KAZN: variants seen among roughly 807,000 people sequenced by gnomAD.
The protein encoded by KAZN is kazrin.
Under a neutral mutation model 87.4 loss-of-function variants are expected in KAZN, and 40 were observed. The ratio of observed to expected loss-of-function variants is 0.46; its 90% CI spans 0.36 to 0.60. The LOEUF (loss-of-function observed/expected upper bound fraction) is 0.60, where lower values mean the gene tolerates loss of function less well. Among genes scored for constraint, KAZN ranks in the 20% least tolerant of loss-of-function variants. The pLI is 0.00. For synonymous variants in KAZN, 466 were observed against 458.3 expected (o/e 1.02, Z -0.22); for missense variants, 898 against 1,073.9 (o/e 0.84, Z 2.29).
intron 1 of KAZN, among the ~76,000 whole-genome samples, chr1:14,843,743 T>C (rs1462956459): frequency 6.6e-6 from 1 of 152,210 alleles, no homozygotes; most frequent in Non-Finnish European, 1.5e-5. Context: ...CTGTTTATTC[T>C]CCACATTCCC....
intron 1 of KAZN, among the ~76,000 whole-genome samples, chr1:13,967,666 TAGG>T (rs1275067074): frequency 2.6e-5 from 4 of 152,062 alleles, no homozygotes; most frequent in Non-Finnish European, 5.9e-5. Flanking sequence ...TGTGACAGAG[TAGG>T]AGAAGTGCCT....
intron 1 of KAZN, among the ~76,000 whole-genome samples, chr1:14,921,631 C>G (rs1165159751): frequency 6.6e-6 from 1 of 152,218 alleles, no homozygotes; most frequent in African/African-American, 2.4e-5. Context: ...TAATGTCTCT[C>G]TGATACCAAA....
At chr1:14,670,148 C>A (rs1219075827) in intron 1 of KAZN, among the ~76,000 whole-genome samples, 2 of 143,658 alleles carry the variant, frequency 1.4e-5, no homozygotes, top group South Asian at 2.5e-4. Context: ...CTTTTTCCTT[C>A]CCTTCTTCCA....
At position 14,074,219 on chromosome 1, in the gene KAZN, G is replaced by A. The variant is rs564959261; in HGVS notation, c.92-106216G>A. ...CTGGAAAGCCAGGTTTGAACACAGC[G>A]TCTGAACTCCACAATAGTCTGTGCT... On this transcript the variant is annotated intron_variant, in intron 1 of 16. Transcript: ENST00000636203. 5.3e-5 allele frequency among the ~76,000 whole-genome samples: 8 copies of A among 152,222 alleles called. No individual in the cohort carries two copies. The South Asian group carries it at 1.0e-3, about 20-fold the overall frequency.
At chr1:14,541,012 G>A (rs1571893650) in intron 2 of KAZN, among the ~76,000 whole-genome samples, 1 of 152,160 alleles carries the variant, frequency 6.6e-6, no homozygotes, top group South Asian at 2.1e-4. Flanking sequence ...TTCTTTACAA[G>A]AACTTGCACA....
At chr1:15,067,261 CTT>C in intron 8 of KAZN, 1 of 985,592 alleles carries the variant, frequency 1.0e-6, no homozygotes, top group South Asian at 4.7e-5. Context: ...ATCAGCCACA[CTT>C]AGAATCTCCC....
chr1:14,435,704 T>G (rs1477614655), intron 2 of KAZN, among the ~76,000 whole-genome samples: 1 of 152,210 alleles, frequency 6.6e-6, no homozygotes, highest in African/African-American at 2.4e-5. Flanking sequence ...CGGCAAGATC[T>G]TTAAACCGCA....
intron 1 of KAZN, among the ~76,000 whole-genome samples, chr1:14,859,210 CAAA>C (rs1195192834): frequency 6.2e-5 from 6 of 97,452 alleles, no homozygotes; most frequent in Non-Finnish European, 4.5e-5. Context: ...GACCCCGTCT[CAAA>C]AAAAAAAAAA....
At chr1:14,205,803 T>C (rs534558158) in intron 2 of KAZN, among the ~76,000 whole-genome samples, 2 of 138,922 alleles carry the variant, frequency 1.4e-5, no homozygotes, top group East Asian at 2.3e-4. Flanking sequence ...GGAGAATCGA[T>C]TGAACCCAAG....
At chr1:14,977,881 GTCTT>G (rs1446041398) in intron 2 of KAZN, among the ~76,000 whole-genome samples, 1 of 137,374 alleles carries the variant, frequency 7.3e-6, no homozygotes, top group African/African-American at 2.8e-5. Flanking sequence ...TGGGGTGCAC[GTCTT>G]TTTTTTTTTT....
Position 14,826,555 on chromosome 1 carries a change from G to A in KAZN, c.227-134129G>A, listed in dbSNP as rs149486093. Among the ~76,000 whole-genome samples the A allele has an allele frequency of 2.9e-4, 44 of 152,232 alleles. 1 individual carries two copies. In the East Asian group the frequency reaches 7.0e-3, roughly 24 times the overall value. On this transcript the variant is annotated intron_variant, in intron 1 of 14. Transcript: ENST00000376030. Reference sequence around the variant, plus strand: ...TGATGGCCCGTTCCCCATGGGTGTCGCCTCCCTCCTCTGTGCCTTCTCAGC... The same window carrying A: ...TGATGGCCCGTTCCCCATGGGTGTCACCTCCCTCCTCTGTGCCTTCTCAGC...
intron 8 of KAZN, among the ~76,000 whole-genome samples, chr1:15,085,112 G>T (rs535330320): frequency 2.8e-4 from 42 of 151,988 alleles, no homozygotes; most frequent in Non-Finnish European, 5.6e-4. Flanking sequence ...AGACTAAATA[G>T]GTGAAGAGAT....
chr1:14,211,828 T>TC (rs947948801), intron 2 of KAZN, among the ~76,000 whole-genome samples: 1 of 152,194 alleles, frequency 6.6e-6, no homozygotes. Flanking sequence ...CCAAGCTTTT[T>TC]TTTTTTCCTT....
At position 14,023,764 on chromosome 1, in the gene KAZN, G is replaced by T. The variant is rs189880726; in HGVS notation, c.91+130008G>T. On this transcript the variant is annotated intron_variant, in intron 1 of 16. Coordinates refer to the KAZN transcript ENST00000636203. ...GAACCAAACCCTCAGATGCCAGGAG[G>T]GGAAGTGGGTGAGTGAGGATGAGTT... Among the ~76,000 whole-genome samples the T allele has an allele frequency of 7.2e-5, 11 of 152,280 alleles. No homozygotes were observed. The East Asian group carries it at 2.1e-3, about 29-fold the overall frequency.
In KAZN at chr1:14,840,628, C is replaced by T. The variant is rs1156948373; in HGVS notation, c.227-120056C>T. On this transcript the variant is annotated intron_variant, in intron 1 of 14. Coordinates refer to ENST00000376030, the MANE Select transcript of KAZN (RefSeq NM_201628.3). Reference sequence around the variant, plus strand: ...AGGGCTGCCATTTGGCGATAAGCTGCCCTCAGAAGTCCAACACTCATCCAG... The same window carrying T: ...AGGGCTGCCATTTGGCGATAAGCTGTCCTCAGAAGTCCAACACTCATCCAG... 2.0e-5 allele frequency among the ~76,000 whole-genome samples: 3 copies of T among 152,328 alleles called. No homozygotes were observed. The South Asian group carries it at 6.2e-4, about 32-fold the overall frequency.
chr1:14,936,081 A>C (rs753032099), intron 1 of KAZN, among the ~76,000 whole-genome samples: 11 of 152,216 alleles, frequency 7.2e-5, no homozygotes, highest in Non-Finnish European at 1.3e-4. Flanking sequence ...TTTCCATGTC[A>C]TGTCTCTCCA....
chr1:14,003,436 A>G (rs992482348), intron 1 of KAZN, among the ~76,000 whole-genome samples: 1 of 152,120 alleles, frequency 6.6e-6, no homozygotes, highest in African/African-American at 2.4e-5. Context: ...ACACTTTTAT[A>G]TAGAAAGAAG....
At chr1:14,072,798 GT>G (rs145596744) in intron 1 of KAZN, among the ~76,000 whole-genome samples, 113 of 152,270 alleles carry the variant, frequency 7.4e-4, no homozygotes, top group African/African-American at 2.5e-3. Context: ...CCTGCGATGT[GT>G]AAGGGCGAAA....
chr1:14,076,161 G>A (rs531006780), intron 1 of KAZN, among the ~76,000 whole-genome samples: 1 of 152,064 alleles, frequency 6.6e-6, no homozygotes, highest in South Asian at 2.1e-4. Flanking sequence ...CACACCTGTA[G>A]TCCCAGCTAC....
Sources: gnomAD v4.1 joint callset for allele counts (sites outside exome capture counted in the v4.1 genomes callset) on GRCh38, gnomAD v4.1.1 for gene constraint, MANE v1.5 for transcripts, NCBI Gene and HGNC (gene_info 2026-07-23, HGNC 2026-07-21) for gene names.